NXPH1: variants seen among roughly 807,000 people sequenced by gnomAD.
NXPH1 encodes the protein neurexophilin 1.
NXPH1 carries 5 observed loss-of-function variants against 23.7 expected under a neutral mutation model. That is an observed-to-expected ratio of 0.21 (90% CI 0.11 to 0.44). NXPH1 has a LOEUF of 0.44. Among genes scored for constraint, NXPH1 ranks in the 20% least tolerant of loss-of-function variants. The pLI is 0.99. For synonymous variants in NXPH1, 144 were observed against 122.2 expected (o/e 1.18, Z -1.18); for missense variants, 324 against 321.6 (o/e 1.01, Z -0.06).
rs1427261484 is a variant in NXPH1 at position 8,435,862 on chromosome 7, C to T, written c.54+95C>T. On this transcript the variant is annotated intron_variant, in intron 2 of 2. Transcript: ENST00000405863. This position sits in a 1 kb window ranked among gnomAD's most constrained non-coding sequence, Gnocchi z 5.9. The stretch of plus-strand genomic sequence containing the variant: ...CGGGAGAAGGGTTACGCCGCCAGTT[C>T]AGTGAGAGCAGCTTCCTAGCAGCTG... 2.7e-6 allele frequency: 3 copies of T among 1,118,920 alleles called. No homozygotes were observed. In the African/African-American group the frequency reaches 4.6e-5, roughly 17 times the overall value. The allele number at this position is 1,118,920 out of a possible 1,614,324, so 69.3% of individuals were successfully genotyped here.
At chr7:8,515,868 T>C (rs935200325) in intron 2 of NXPH1, among the ~76,000 whole-genome samples, 1 of 152,158 alleles carries the variant, frequency 6.6e-6, no homozygotes, top group Non-Finnish European at 1.5e-5. Context: ...TTCTTCTGTA[T>C]GGCCCATGGG....
At chr7:8,523,972 C>T (rs920244203) in intron 2 of NXPH1, among the ~76,000 whole-genome samples, 3 of 152,030 alleles carry the variant, frequency 2.0e-5, no homozygotes, top group African/African-American at 7.2e-5. Flanking sequence ...CAGCCGGGCA[C>T]GGTGGCTCAT....
At chr7:8,518,319 C>T (rs925888821) in intron 2 of NXPH1, among the ~76,000 whole-genome samples, 7 of 151,816 alleles carry the variant, frequency 4.6e-5, no homozygotes, top group African/African-American at 1.7e-4. Context: ...GAGTGTAGTC[C>T]CAAATAAGAG....
Position 8,659,010 on chromosome 7 carries a change from T to A in NXPH1, c.55-91998T>A, listed in dbSNP as rs1169539074. ...ATATGTATATATATATATATATTTT[T>A]TTTTTTTTTTGCTAAAACAGAAAAA... is the stretch of plus-strand genomic sequence containing the variant. On this transcript the variant is annotated intron_variant, in intron 2 of 2. Transcript: ENST00000405863. Among the ~76,000 whole-genome samples, 111 of 21,524 alleles carry A rather than the reference T, an allele frequency of 5.2e-3. 30 individuals carry two copies. Among genetic ancestry groups the A allele is most frequent in the African/African-American group, 8.9e-3 (102 of 11,508 alleles). The allele number at this position is 21,524 out of a possible 152,430, so 14.1% of individuals were successfully genotyped here. A position where few individuals can be genotyped will look rare whatever the true frequency, so the allele number is the denominator to read the frequency against.
At chr7:8,563,575 A>G (rs1291337733) in intron 2 of NXPH1, among the ~76,000 whole-genome samples, 1 of 151,804 alleles carries the variant, frequency 6.6e-6, no homozygotes, top group Non-Finnish European at 1.5e-5. Context: ...ACTATGAGCA[A>G]TAAGGTGTGA....
chr7:8,466,015 A>T (rs1816781150), intron 2 of NXPH1, among the ~76,000 whole-genome samples: 1 of 152,104 alleles, frequency 6.6e-6, no homozygotes, highest in Non-Finnish European at 1.5e-5. Flanking sequence ...CTATTCCTTG[A>T]CTCGCTTTAA....
chr7:8,654,622 G>A (rs192710358), intron 2 of NXPH1, among the ~76,000 whole-genome samples: 2 of 152,260 alleles, frequency 1.3e-5, no homozygotes, highest in Admixed American at 1.3e-4. Flanking sequence ...ATTCCATGAG[G>A]CATGTGGCAA....
chr7:8,686,556 A>C (rs1384466529), intron 2 of NXPH1, among the ~76,000 whole-genome samples: 1 of 152,144 alleles, frequency 6.6e-6, no homozygotes, highest in African/African-American at 2.4e-5. Flanking sequence ...ATACACAGTA[A>C]AAGTATAGTT....
At chr7:8,617,309 C>A (rs1819765482) in intron 2 of NXPH1, among the ~76,000 whole-genome samples, 1 of 151,910 alleles carries the variant, frequency 6.6e-6, no homozygotes, top group South Asian at 2.1e-4. Flanking sequence ...GTGGGTATTT[C>A]CTATAAAAGA....
intron 2 of NXPH1, among the ~76,000 whole-genome samples, chr7:8,665,213 G>T (rs6954869): frequency 2.6e-5 from 4 of 151,824 alleles, no homozygotes; most frequent in Non-Finnish European, 4.4e-5. Context: ...TGTAAGATAA[G>T]GATCTAATTT....
intron 2 of NXPH1, among the ~76,000 whole-genome samples, chr7:8,498,158 T>G (rs1817370116): frequency 6.6e-6 from 1 of 152,096 alleles, no homozygotes; most frequent in African/African-American, 2.4e-5. Flanking sequence ...CAAGTTATTA[T>G]TATTACAAGT....
At chr7:8,646,733 T>C (rs1820404913) in intron 2 of NXPH1, among the ~76,000 whole-genome samples, 1 of 152,142 alleles carries the variant, frequency 6.6e-6, no homozygotes. Flanking sequence ...TATAATGTAA[T>C]ATAAATCTTG....
chr7:8,694,949 A>G (rs1339223044), intron 2 of NXPH1, among the ~76,000 whole-genome samples: 1 of 152,224 alleles, frequency 6.6e-6, no homozygotes, highest in Non-Finnish European at 1.5e-5. Context: ...TAGGAAAGAA[A>G]ATCTCTAAAT....
At chr7:8,734,116 T>C (rs752350219) in intron 2 of NXPH1, among the ~76,000 whole-genome samples, 40 of 152,214 alleles carry the variant, frequency 2.6e-4, no homozygotes, top group Non-Finnish European at 5.4e-4. Context: ...CCCAGCACCA[T>C]TTATTAAATA....
intron 2 of NXPH1, among the ~76,000 whole-genome samples, chr7:8,543,399 C>A (rs527869538): frequency 6.6e-6 from 1 of 151,530 alleles, no homozygotes; most frequent in Non-Finnish European, 1.5e-5. Flanking sequence ...TAGATAATTA[C>A]GACTAAAGCA....
chr7:8,532,605 G>A (rs920163528), intron 2 of NXPH1, among the ~76,000 whole-genome samples: 1 of 152,008 alleles, frequency 6.6e-6, no homozygotes, highest in Admixed American at 6.6e-5. Flanking sequence ...CCACTCAGGA[G>A]CAAAAATCCA....
At chr7:8,661,364 A>G (rs899090827) in intron 2 of NXPH1, among the ~76,000 whole-genome samples, 11 of 152,268 alleles carry the variant, frequency 7.2e-5, no homozygotes, top group African/African-American at 2.6e-4. Flanking sequence ...AATTTGGCTC[A>G]CCACACTCAG....
intron 2 of NXPH1, among the ~76,000 whole-genome samples, chr7:8,597,058 A>G (rs1252674631): frequency 6.6e-6 from 1 of 152,088 alleles, no homozygotes; most frequent in Non-Finnish European, 1.5e-5. Context: ...CCAGGTGGGC[A>G]AAGTGGGGAT....
At chr7:8,611,840 G>C (rs969126764) in intron 2 of NXPH1, among the ~76,000 whole-genome samples, 2 of 151,956 alleles carry the variant, frequency 1.3e-5, no homozygotes, top group Admixed American at 6.6e-5. Context: ...GTGTGTTCTT[G>C]GTACTACTAA....
Sources: gnomAD v4.1 joint callset for allele counts (sites outside exome capture counted in the v4.1 genomes callset) on GRCh38, gnomAD v4.1.1 for gene constraint, Gnocchi (gnomAD v3.1) non-coding constraint, MANE v1.5 for transcripts, NCBI Gene and HGNC (gene_info 2026-07-23, HGNC 2026-07-21) for gene names.